The following FYB2 variants were observed in gnomAD, a reference collection of about 807,000 sequenced individuals.
The protein encoded by FYB2 is FYN-binding protein 2.
FYB2 carries 103 observed loss-of-function variants against 94.1 expected under a neutral mutation model. The observed-to-expected ratio is 1.09, with a 90% CI of 0.93 to 1.29. FYB2 has a LOEUF of 1.29. Ranked by LOEUF, FYB2 falls within the 50% of genes most tolerant of loss-of-function variation. The pLI is 0.00. For synonymous variants in FYB2, 293 were observed against 287.9 expected (o/e 1.02, Z -0.18); for missense variants, 896 against 841.5 (o/e 1.06, Z -0.80).
intron 14 of FYB2, chr1:56,737,554 T>C (rs1054595712): frequency 6.5e-6 from 1 of 154,932 alleles, no homozygotes; most frequent in African/African-American, 2.4e-5. Flanking sequence ...AACAGCTTAA[T>C]AGAACAGTAA....
chr1:56,796,842 G>C (rs1646411682), intron 1 of FYB2, among the ~76,000 whole-genome samples: 1 of 152,104 alleles, frequency 6.6e-6, no homozygotes, highest in Non-Finnish European at 1.5e-5. Flanking sequence ...TCTTGAACTA[G>C]CACATTCCTG....
intron 16 of FYB2, 69 bp downstream of exon 16, chr1:56,726,428 G>T: frequency 7.2e-7 from 1 of 1,389,592 alleles, no homozygotes; most frequent in Non-Finnish European, 1.0e-6. Context: ...CTTATCTGAG[G>T]CCACACAGCT....
chr1:56,811,558 C>T (rs1306850304), intron 1 of FYB2, among the ~76,000 whole-genome samples: 1 of 152,204 alleles, frequency 6.6e-6, no homozygotes, highest in Non-Finnish European at 1.5e-5. Flanking sequence ...CCAGGTGGAC[C>T]ATGACTCAAG....
Position 56,787,220 on chromosome 1 carries a change from A to G in FYB2, c.920-12T>C. On this transcript the variant is annotated splice_polypyrimidine_tract_variant and intron_variant, in intron 3 of 19. Coordinates refer to ENST00000343433, the MANE Select transcript of FYB2 (RefSeq NM_001004303.5). ...CTCTTCCACAGTCACTGCAAGAGAA[A>G]GAGGCGGAATGAAAAAGAGGCATTT... is the stretch of plus-strand genomic sequence containing the variant. The G allele has an allele frequency of 6.2e-7, 1 of 1,613,872 alleles. No individual in the cohort carries two copies. Among genetic ancestry groups the G allele is most frequent in the Non-Finnish European group, 8.5e-7 (1 of 1,179,822 alleles).
In FYB2 at chr1:56,755,924, C is replaced by T; in HGVS notation, c.1102G>A (p.Gly368Arg). The change falls in exon 7 of 20, where the codon GGG becomes AGG. Residue 368 changes from glycine (G) to arginine (R), a missense_variant. Coordinates refer to ENST00000343433, the MANE Select transcript of FYB2 (RefSeq NM_001004303.5). ...EVGIEELQKP[G>R]KNFPYPEPSA... is the part of the protein sequence containing the mutation. ...GGTTCTGGATAGGGAAAATTCTTCC[C>T]AGGCTGAAAGTAAAGTGGAAAATGG... 2 of 1,609,050 alleles carry T rather than the reference C, an allele frequency of 1.2e-6. No homozygotes were observed. The highest frequency in any genetic ancestry group is 1.7e-6 in the Non-Finnish European group (2 of 1,176,050).
At chr1:56,814,393 G>T (rs1469225421) in intron 1 of FYB2, among the ~76,000 whole-genome samples, 1 of 152,172 alleles carries the variant, frequency 6.6e-6, no homozygotes, top group East Asian at 1.9e-4. Context: ...GTGGGTGTGT[G>T]GTTTGGAGAA....
intron 1 of FYB2, among the ~76,000 whole-genome samples, chr1:56,802,990 C>A (rs1370529089): frequency 6.6e-6 from 1 of 152,164 alleles, no homozygotes; most frequent in Non-Finnish European, 1.5e-5. Flanking sequence ...TCTTTCCCTG[C>A]ACAAGACCCC....
chr1:56,788,923 C>T (rs374774213), intron 3 of FYB2, 50 bp downstream of exon 3: 28 of 1,604,220 alleles, frequency 1.7e-5, no homozygotes, highest in South Asian at 5.5e-5. Flanking sequence ...GATGTGGAGA[C>T]GGAGGTGACT....
chr1:56,729,395 G>A (rs1644654160), intron 15 of FYB2, among the ~76,000 whole-genome samples: 2 of 152,064 alleles, frequency 1.3e-5, no homozygotes, highest in African/African-American at 4.8e-5. Context: ...AGGAATAACA[G>A]ATAACCTAGG....
At chr1:56,803,646 A>G (rs1646571737) in intron 1 of FYB2, among the ~76,000 whole-genome samples, 1 of 152,202 alleles carries the variant, frequency 6.6e-6, no homozygotes, top group African/African-American at 2.4e-5. Context: ...ATAGTGTTTC[A>G]CAAGTATCTA....
At chr1:56,728,606 G>A (rs962353010) in intron 15 of FYB2, among the ~76,000 whole-genome samples, 3 of 152,034 alleles carry the variant, frequency 2.0e-5, no homozygotes, top group Non-Finnish European at 2.9e-5. Context: ...TTTAAATAAC[G>A]AGGGATAAAA....
intron 9 of FYB2, among the ~76,000 whole-genome samples, chr1:56,745,046 G>A (rs972855239): frequency 4.6e-5 from 7 of 152,026 alleles, no homozygotes; most frequent in South Asian, 2.1e-4. Context: ...GTCAGTGAGC[G>A]TGTAGGCCCC....
intron 15 of FYB2, among the ~76,000 whole-genome samples, chr1:56,731,610 A>T (rs1366273568): frequency 6.6e-6 from 1 of 152,108 alleles, no homozygotes; most frequent in Non-Finnish European, 1.5e-5. Flanking sequence ...TCTAGCCATC[A>T]TCCCCTCCAT....
At chr1:56,776,276 G>T (rs570800122) in intron 4 of FYB2, among the ~76,000 whole-genome samples, 39 of 152,062 alleles carry the variant, frequency 2.6e-4, no homozygotes, top group Non-Finnish European at 4.9e-4. Context: ...TTATATATTA[G>T]TTATTTATAT....
At chr1:56,726,429 C>T in intron 16 of FYB2, 68 bp downstream of exon 16, 1 of 1,402,620 alleles carries the variant, frequency 7.1e-7, no homozygotes, top group Non-Finnish European at 9.9e-7. Context: ...TTATCTGAGG[C>T]CACACAGCTA....
At chr1:56,729,193 G>A (rs561557636) in intron 15 of FYB2, among the ~76,000 whole-genome samples, 5 of 152,242 alleles carry the variant, frequency 3.3e-5, no homozygotes, top group African/African-American at 1.2e-4. Context: ...TGGGTGGCAG[G>A]TGGTCACATT....
intron 4 of FYB2, among the ~76,000 whole-genome samples, chr1:56,778,342 C>T (rs1439600844): frequency 1.3e-5 from 2 of 152,182 alleles, no homozygotes; most frequent in African/African-American, 4.8e-5. Context: ...CTCTTTGTAA[C>T]TAGTTTAATT....
intron 15 of FYB2, among the ~76,000 whole-genome samples, chr1:56,734,455 C>G (rs1044354387): frequency 6.6e-6 from 1 of 152,052 alleles, no homozygotes; most frequent in Non-Finnish European, 1.5e-5. Context: ...AAACATGGCA[C>G]ATATACACAA....
rs142295202 is a variant in FYB2, at chr1:56,799,751, C to T, written c.10-6948G>A. Among the ~76,000 whole-genome samples the T allele has an allele frequency of 1.4e-4, 22 of 152,220 alleles. No homozygotes were observed. The East Asian group carries it at 3.9e-3, about 27-fold the overall frequency. On this transcript the variant is annotated intron_variant, in intron 1 of 19. Transcript: ENST00000343433. Reference sequence around the variant, plus strand: ...GCATGGCACAGACAGTTATTTCATCCTCTCCTGAGTTTACCCTGCTGCCAC... The same window carrying T: ...GCATGGCACAGACAGTTATTTCATCTTCTCCTGAGTTTACCCTGCTGCCAC...
Sources: allele counts gnomAD v4.1 joint callset (sites outside exome capture counted in the v4.1 genomes callset), GRCh38; gene constraint gnomAD v4.1.1; transcripts MANE v1.5; gene names NCBI Gene and HGNC (gene_info 2026-07-23, HGNC 2026-07-21).